RBMS3: variants seen among roughly 807,000 people sequenced by gnomAD.
The protein encoded by RBMS3 is RNA-binding motif, single-stranded-interacting protein 3.
RBMS3 carries 27 observed loss-of-function variants against 66.8 expected under a neutral mutation model. The observed-to-expected ratio is 0.40, with a 90% confidence interval of 0.30 to 0.56. The LOEUF is 0.56. RBMS3 is among the 20% of genes least tolerant of loss of function. The pLI is 0.40. For missense variants in RBMS3, 513 were observed against 549.5 expected (o/e 0.93, Z 0.66); for synonymous variants, 188 against 183.0 (o/e 1.03, Z -0.22).
At chr3:29,363,870 T>C (rs1053261402) in intron 1 of RBMS3, among the ~76,000 whole-genome samples, 1 of 150,058 alleles carries the variant, frequency 6.7e-6, no homozygotes, top group Admixed American at 6.6e-5. Context: ...TTGATAAAAA[T>C]TTTTTTTTGC....
intron 6 of RBMS3, among the ~76,000 whole-genome samples, chr3:29,815,970 G>T (rs1441628547): frequency 6.6e-6 from 1 of 151,844 alleles, no homozygotes; most frequent in Non-Finnish European, 1.5e-5. Context: ...AAGAAGAGAG[G>T]GTTATGAGTA....
At chr3:29,561,925 G>A (rs1322413289) in intron 3 of RBMS3, among the ~76,000 whole-genome samples, 1 of 152,038 alleles carries the variant, frequency 6.6e-6, no homozygotes, top group Non-Finnish European at 1.5e-5. Flanking sequence ...GGAGTCATTT[G>A]TGGTTTTTTT....
chr3:29,284,259 G>A (rs913019091), intron 1 of RBMS3, among the ~76,000 whole-genome samples: 5 of 151,928 alleles, frequency 3.3e-5, no homozygotes, highest in South Asian at 2.1e-4. Flanking sequence ...TAGAGTCTAC[G>A]GTAGGTAAAA....
chr3:29,565,927 T>A (rs1462180128), intron 3 of RBMS3, among the ~76,000 whole-genome samples: 1 of 152,152 alleles, frequency 6.6e-6, no homozygotes, highest in East Asian at 1.9e-4. Flanking sequence ...GATTCTATGA[T>A]GCTCCTTAAA....
chr3:29,892,843 G>GTATGTATGTATGTATT lies in RBMS3; in HGVS notation c.792-4533_792-4532insGTATGTATGTATTTAT, dbSNP rs1336972891. On this transcript the variant is annotated intron_variant, in intron 8 of 14. Coordinates refer to ENST00000383767, the MANE Select transcript of RBMS3 (RefSeq NM_001003793.3). Reference sequence around the variant, plus strand: ...TGTATGTATGTATGTATGTATGTATGTATTTATTTATTTATTTATTTATTT... The same window carrying GTATGTATGTATGTATT: ...TGTATGTATGTATGTATGTATGTATGTATGTATGTATGTATTTATTTATTTATTTATTTATTTATTT... Among the ~76,000 whole-genome samples, 385 of 137,516 alleles carry GTATGTATGTATGTATT rather than the reference G, an allele frequency of 2.8e-3. 1 individual carries two copies. The highest frequency in any genetic ancestry group is 3.7e-3 in the Middle Eastern group (1 of 268). The allele number at this position is 137,516 out of a possible 152,430, so 90.2% of individuals were successfully genotyped here. A position where few individuals can be genotyped will look rare whatever the true frequency, so the allele number is the denominator to read the frequency against.
At chr3:29,590,430 A>G (rs991269271) in intron 4 of RBMS3, among the ~76,000 whole-genome samples, 4 of 152,122 alleles carry the variant, frequency 2.6e-5, no homozygotes, top group Admixed American at 2.6e-4. Flanking sequence ...CCTTCTATAA[A>G]TCATAATACA....
At chr3:29,804,071 C>T (rs1559688860) in intron 6 of RBMS3, among the ~76,000 whole-genome samples, 1 of 151,922 alleles carries the variant, frequency 6.6e-6, no homozygotes, top group Non-Finnish European at 1.5e-5. Flanking sequence ...AGTCATTTTC[C>T]CTGGACTACC....
chr3:29,393,396 C>T (rs547999258), intron 1 of RBMS3, among the ~76,000 whole-genome samples: 4 of 152,064 alleles, frequency 2.6e-5, no homozygotes, highest in South Asian at 2.1e-4. Context: ...ATTCTGGCAG[C>T]GATGGCTTAA....
intron 3 of RBMS3, among the ~76,000 whole-genome samples, chr3:29,500,137 T>G (rs1400012238): frequency 2.0e-5 from 3 of 151,616 alleles, no homozygotes; most frequent in African/African-American, 7.3e-5. Flanking sequence ...AAAATAGTAT[T>G]AAGACACTGT....
At chr3:29,824,012 C>T (rs575383568) in intron 6 of RBMS3, among the ~76,000 whole-genome samples, 1 of 152,138 alleles carries the variant, frequency 6.6e-6, no homozygotes, top group South Asian at 2.1e-4. Flanking sequence ...GGAAATTTAG[C>T]CATTAATGGC....
At chr3:29,293,935 A>G (rs9878305) in intron 1 of RBMS3, among the ~76,000 whole-genome samples, 14,903 of 149,462 alleles carry the variant, frequency 0.1, 838 homozygotes, top group East Asian at 0.17. Context: ...TACAAGGTAC[A>G]GTGGGATTGG....
chr3:29,817,701 G>A (rs572543626), intron 6 of RBMS3, among the ~76,000 whole-genome samples: 1 of 152,116 alleles, frequency 6.6e-6, no homozygotes, highest in East Asian at 1.9e-4. Context: ...TTAATACAAT[G>A]TCACCTTCCA....
intron 2 of RBMS3, among the ~76,000 whole-genome samples, chr3:29,487,830 C>T (rs899695032): frequency 6.6e-6 from 1 of 152,086 alleles, no homozygotes; most frequent in Non-Finnish European, 1.5e-5. Context: ...GCAAAAAGCA[C>T]ATATTACTTA....
intron 1 of RBMS3, among the ~76,000 whole-genome samples, chr3:29,349,712 T>C (rs947744338): frequency 6.6e-6 from 1 of 152,224 alleles, no homozygotes; most frequent in African/African-American, 2.4e-5. Context: ...GTCTAACAAC[T>C]CAGCTGTCTG....
At chr3:29,950,371 G>A (rs1577229587) in intron 12 of RBMS3, among the ~76,000 whole-genome samples, 1 of 151,814 alleles carries the variant, frequency 6.6e-6, no homozygotes, top group East Asian at 1.9e-4. Context: ...AAAGGGCAGA[G>A]CCTACATAAT....
At chr3:29,733,392 G>A (rs1486920577) in intron 4 of RBMS3, among the ~76,000 whole-genome samples, 1 of 150,948 alleles carries the variant, frequency 6.6e-6, no homozygotes, top group East Asian at 1.9e-4. Context: ...ACTTAGTAAT[G>A]GGATTGCTGG....
intron 12 of RBMS3, among the ~76,000 whole-genome samples, chr3:29,976,148 T>C (rs1382495189): frequency 6.6e-6 from 1 of 152,036 alleles, no homozygotes; most frequent in East Asian, 1.9e-4. Flanking sequence ...CAATTTTGTA[T>C]GCCACTAGCA....
At chr3:29,327,932 T>C (rs2035433831) in intron 1 of RBMS3, among the ~76,000 whole-genome samples, 1 of 152,188 alleles carries the variant, frequency 6.6e-6, no homozygotes. Flanking sequence ...AATAAAGTGA[T>C]CTTAGTCTCT....
chr3:29,754,010 T>C (rs1248783732), intron 5 of RBMS3, among the ~76,000 whole-genome samples: 5 of 152,036 alleles, frequency 3.3e-5, no homozygotes, highest in African/African-American at 1.2e-4. Context: ...CAGGCTACAG[T>C]GCAGTGGCAC....
Sources: allele counts gnomAD v4.1 joint callset (sites outside exome capture counted in the v4.1 genomes callset), GRCh38; gene constraint gnomAD v4.1.1; transcripts MANE v1.5; gene names NCBI Gene and HGNC (gene_info 2026-07-23, HGNC 2026-07-21).